The following AGMO variants were observed in gnomAD, a reference collection of about 807,000 sequenced individuals.
AGMO encodes the protein glyceryl-ether monooxygenase.
A neutral mutation model predicts 60.2 loss-of-function variants in AGMO; 75 were observed. That is an observed-to-expected ratio of 1.25 (90% CI 1.03 to 1.51). AGMO has a LOEUF of 1.51. Ranked by LOEUF, AGMO falls within the 40% of genes most tolerant of loss-of-function variation. The pLI is 0.00. For synonymous variants in AGMO, 261 were observed against 177.1 expected (o/e 1.47, Z -3.76); for missense variants, 763 against 525.5 (o/e 1.45, Z -4.42).
chr7:15,548,724 C>A (rs950612775), intron 2 of AGMO, among the ~76,000 whole-genome samples: 11 of 152,216 alleles, frequency 7.2e-5, no homozygotes, highest in Non-Finnish European at 1.3e-4. Context: ...AGAATGGAAC[C>A]AAGTTGGAAA....
the AGMO span, among the ~76,000 whole-genome samples, chr7:15,176,755 T>C: frequency 6.2e-4 from 95 of 152,114 alleles, 1 homozygote; most frequent in Middle Eastern, 3.4e-3. Context: ...GTCAACAGGT[T>C]GTACATTAGA....
At chr7:15,481,008 A>G (rs1490254839) in intron 3 of AGMO, among the ~76,000 whole-genome samples, 3 of 152,152 alleles carry the variant, frequency 2.0e-5, no homozygotes, top group Non-Finnish European at 4.4e-5. Flanking sequence ...ATGTATAAAC[A>G]TTAACATGTT....
downstream of AGMO, among the ~76,000 whole-genome samples, chr7:15,197,278 G>T (rs1159444773): frequency 1.3e-5 from 2 of 151,980 alleles, no homozygotes; most frequent in Non-Finnish European, 2.9e-5. Flanking sequence ...TCCTATTACT[G>T]TACACTATAA....
chr7:15,459,529 A>C (rs926995510), intron 3 of AGMO, among the ~76,000 whole-genome samples: 4 of 151,656 alleles, frequency 2.6e-5, no homozygotes, highest in Non-Finnish European at 5.9e-5. Flanking sequence ...CTGAATCTCA[A>C]AATAATTATT....
chr7:15,161,416 C>CTA, the AGMO span, among the ~76,000 whole-genome samples: 2 of 151,806 alleles, frequency 1.3e-5, no homozygotes, highest in African/African-American at 4.8e-5. Context: ...CTCTCTCTCT[C>CTA]TCTCTATATA....
rs1219232654 is a variant in AGMO at position 15,431,016 on chromosome 7, A to G, written c.502T>C (p.Tyr168His). Residue 168 changes from tyrosine to histidine, a missense_variant, in exon 4 of 13, where the codon TAT becomes CAT. By Grantham distance (83) the Tyr-to-His change is moderately conservative. Transcript: ENST00000342526. Reference protein sequence around the residue: ...TALRQSVLQIYTSWIFYSPLA... With the variant: ...TALRQSVLQIHTSWIFYSPLA... ...TTCATACAACTTACCCAGGAAGTAT[A>G]TATCTGGAGGACAGACTGTCTCAGT... The G allele has an allele frequency of 1.6e-5, 25 of 1,595,984 alleles. No homozygotes were observed. Among genetic ancestry groups the G allele is most frequent in the Non-Finnish European group, 2.0e-5 (23 of 1,167,384 alleles).
chr7:15,347,107 C>T (rs1381399122), intron 12 of AGMO, among the ~76,000 whole-genome samples: 1 of 151,932 alleles, frequency 6.6e-6, no homozygotes, highest in Non-Finnish European at 1.5e-5. Flanking sequence ...CTCTGTGAAA[C>T]ATTCTCTTCT....
At chr7:15,282,469 AG>A (rs1783995302) in intron 12 of AGMO, among the ~76,000 whole-genome samples, 1 of 152,166 alleles carries the variant, frequency 6.6e-6, no homozygotes, top group African/African-American at 2.4e-5. Context: ...ACCAAGTAGA[AG>A]AAAGAATTTC....
chr7:15,383,532 A>G (rs1207838572), intron 10 of AGMO, among the ~76,000 whole-genome samples: 3 of 152,340 alleles, frequency 2.0e-5, no homozygotes, highest in East Asian at 3.9e-4. Context: ...TACAGAATAT[A>G]TAGAACTGTT....
At chr7:15,118,929 T>C in the AGMO span, among the ~76,000 whole-genome samples, 2 of 136,404 alleles carry the variant, frequency 1.5e-5, no homozygotes, top group African/African-American at 5.4e-5. Context: ...ACAGAGTCTC[T>C]CTCTGTTGCC....
At chr7:15,276,343 G>A (rs796248010) in intron 12 of AGMO, among the ~76,000 whole-genome samples, 27 of 151,636 alleles carry the variant, frequency 1.8e-4, no homozygotes, top group African/African-American at 6.5e-4. Flanking sequence ...TTTCTTTAAA[G>A]AGGCCAAAAA....
At chr7:15,167,852 T>C in the AGMO span, among the ~76,000 whole-genome samples, 1 of 152,232 alleles carries the variant, frequency 6.6e-6, no homozygotes, top group Non-Finnish European at 1.5e-5. Flanking sequence ...TGCTGTGTCC[T>C]CAAGGAACAC....
chr7:15,541,838 C>T (rs1291330897), intron 3 of AGMO, among the ~76,000 whole-genome samples: 3 of 152,074 alleles, frequency 2.0e-5, no homozygotes, highest in Admixed American at 6.6e-5. Context: ...TATATTGTTT[C>T]TTCAAAACTC....
chr7:15,365,097 C>A (rs1664143912), intron 12 of AGMO, among the ~76,000 whole-genome samples: 1 of 151,948 alleles, frequency 6.6e-6, no homozygotes, highest in African/African-American at 2.4e-5. Flanking sequence ...AGAATGATTA[C>A]TTTTTACAGG....
At chr7:15,215,988 A>G (rs1781726828) in intron 12 of AGMO, among the ~76,000 whole-genome samples, 1 of 152,092 alleles carries the variant, frequency 6.6e-6, no homozygotes, top group African/African-American at 2.4e-5. Context: ...TGGTCATTCA[A>G]AGATTCCTCC....
At chr7:15,558,069 T>C (rs1052741004) in intron 2 of AGMO, among the ~76,000 whole-genome samples, 5 of 151,902 alleles carry the variant, frequency 3.3e-5, no homozygotes, top group African/African-American at 1.2e-4. Context: ...TTTGTAAAAA[T>C]ATCTCTTTTA....
At chr7:15,172,946 T>C in the AGMO span, among the ~76,000 whole-genome samples, 1 of 152,298 alleles carries the variant, frequency 6.6e-6, no homozygotes, top group South Asian at 2.1e-4. Flanking sequence ...ATAACTTAGT[T>C]GGGAATCAAA....
intron 12 of AGMO, among the ~76,000 whole-genome samples, chr7:15,213,192 C>A (rs1781644378): frequency 6.6e-6 from 1 of 151,662 alleles, no homozygotes; most frequent in Admixed American, 6.6e-5. Flanking sequence ...TCTCACCCAT[C>A]ACTTTTGAAA....
chr7:15,541,746 C>G (rs1259984861), intron 3 of AGMO, among the ~76,000 whole-genome samples: 1 of 152,056 alleles, frequency 6.6e-6, no homozygotes, highest in Non-Finnish European at 1.5e-5. Flanking sequence ...AAACAAATGA[C>G]AACAACAACA....
Sources: allele counts gnomAD v4.1 joint callset (sites outside exome capture counted in the v4.1 genomes callset), GRCh38; gene constraint gnomAD v4.1.1; transcripts MANE v1.5; gene names NCBI Gene and HGNC (gene_info 2026-07-23, HGNC 2026-07-21).